Variants in AKAP6 observed in about 807,000 individuals in gnomAD.
AKAP6 encodes the protein A-kinase anchor protein 6.
In AKAP6, 58 loss-of-function variants were observed where a neutral mutation model predicts 188.5. The ratio of observed to expected loss-of-function variants is 0.31; its 90% confidence interval spans 0.25 to 0.38. AKAP6 has a LOEUF of 0.38. Ranked by LOEUF, AKAP6 falls within the 10% of genes least tolerant of loss-of-function variation. The pLI is 1.00. For synonymous variants in AKAP6, 989 were observed against 998.6 expected, an observed-to-expected ratio of 0.99 and a Z score of 0.18; for missense variants, 2,710 against 2,740.0, an observed-to-expected ratio of 0.99 and a Z score of 0.24.
chr14:32,380,233 C>T lies in AKAP6; in HGVS notation c.-35+50825C>T, dbSNP rs866762936. On this transcript the variant is annotated intron_variant, in intron 1 of 13. Transcript: ENST00000280979. ...ATCCTTCAAGACTAGAGGGATTATC[C>T]TTTCTATGAAGGCTTCCCTAGTGTC... Among the ~76,000 whole-genome samples, 20 of 152,292 alleles carry T rather than the reference C, an allele frequency of 1.3e-4. 1 individual carries two copies. Among genetic ancestry groups the T allele is most frequent in the Middle Eastern group, 6.8e-3 (2 of 294 alleles).
At chr14:32,338,445 T>G (rs528584647) in intron 1 of AKAP6, among the ~76,000 whole-genome samples, 11 of 152,160 alleles carry the variant, frequency 7.2e-5, no homozygotes, top group African/African-American at 2.7e-4. Context: ...AAATAGGGGG[T>G]TTCCATTTTG....
intron 2 of AKAP6, among the ~76,000 whole-genome samples, chr14:32,519,455 A>G (rs1449078993): frequency 6.6e-6 from 1 of 152,212 alleles, no homozygotes; most frequent in Non-Finnish European, 1.5e-5. Flanking sequence ...GACCCATCTC[A>G]CATGCAGAGA....
intron 2 of AKAP6, among the ~76,000 whole-genome samples, chr14:32,463,400 C>T (rs1282474655): frequency 6.6e-6 from 1 of 152,198 alleles, no homozygotes; most frequent in African/African-American, 2.4e-5. Flanking sequence ...AACAAACAGT[C>T]TCTCAGACCA....
At chr14:32,403,494 C>T (rs1479232350) in intron 1 of AKAP6, 1 of 152,176 alleles carries the variant, frequency 6.6e-6, no homozygotes, top group Non-Finnish European at 1.5e-5. Flanking sequence ...TTCTGAAGTT[C>T]TGGTAGAGAC....
chr14:32,480,194 A>G (rs8017798), intron 2 of AKAP6, among the ~76,000 whole-genome samples: 42,123 of 152,128 alleles, frequency 0.28, 6,309 homozygotes, highest in African/African-American at 0.31. Context: ...AGAGAAAAAT[A>G]CTAACTCCTA....
At chr14:32,692,012 G>A (rs937241935) in intron 8 of AKAP6, among the ~76,000 whole-genome samples, 3 of 152,230 alleles carry the variant, frequency 2.0e-5, no homozygotes, top group African/African-American at 7.2e-5. Flanking sequence ...GACTTTGTGA[G>A]AATTTGTTGT....
chr14:32,828,375 T>TA (rs2034728585), intron 13 of AKAP6, among the ~76,000 whole-genome samples: 1 of 152,208 alleles, frequency 6.6e-6, no homozygotes, highest in African/African-American at 2.4e-5. Flanking sequence ...TTATCAAACT[T>TA]ACCTTTAAAA....
intron 1 of AKAP6, among the ~76,000 whole-genome samples, chr14:32,342,842 A>G (rs1186516907): frequency 1.3e-5 from 2 of 152,170 alleles, no homozygotes; most frequent in African/African-American, 4.8e-5. Flanking sequence ...AAGTTACTAC[A>G]TCCTAATTCA....
intron 7 of AKAP6, among the ~76,000 whole-genome samples, chr14:32,634,915 A>C (rs1012326554): frequency 2.6e-5 from 4 of 151,738 alleles, no homozygotes; most frequent in Admixed American, 1.3e-4. Flanking sequence ...TATTTCAATA[A>C]GTTTTTGGGG....
intron 2 of AKAP6, among the ~76,000 whole-genome samples, chr14:32,518,274 A>C (rs540105836): frequency 1.3e-5 from 2 of 152,194 alleles, no homozygotes; most frequent in Non-Finnish European, 2.9e-5. Context: ...AATTCTAAAA[A>C]TCAGAGCACC....
intron 9 of AKAP6, among the ~76,000 whole-genome samples, chr14:32,726,612 T>C (rs2139809722): frequency 6.6e-6 from 1 of 152,378 alleles, no homozygotes; most frequent in South Asian, 2.1e-4. Context: ...AGGCTTGTGC[T>C]TTTCACGCAG....
chr14:32,434,986 G>T (rs888092514), intron 2 of AKAP6, among the ~76,000 whole-genome samples: 3 of 152,234 alleles, frequency 2.0e-5, no homozygotes, highest in Admixed American at 2.0e-4. Flanking sequence ...GTACAAAAAG[G>T]CAACAGAGAG....
intron 5 of AKAP6, among the ~76,000 whole-genome samples, chr14:32,592,233 G>A (rs549774103): frequency 7.9e-5 from 12 of 152,132 alleles, no homozygotes; most frequent in African/African-American, 1.2e-4. Context: ...AGACACTGAG[G>A]ATACAAAAAT....
At chr14:32,480,161 A>G (rs2138895764) in intron 2 of AKAP6, among the ~76,000 whole-genome samples, 1 of 152,286 alleles carries the variant, frequency 6.6e-6, no homozygotes, top group Non-Finnish European at 1.5e-5. Context: ...AATTCAAACA[A>G]ATGATAGAGA....
At chr14:32,581,816 T>C (rs1288188020) in intron 5 of AKAP6, among the ~76,000 whole-genome samples, 14 of 151,204 alleles carry the variant, frequency 9.3e-5, no homozygotes, top group East Asian at 7.7e-4. Context: ...AGGATTGCAA[T>C]CCCTGCCTTT....
chr14:32,807,066 G>A (rs1331487634), intron 12 of AKAP6, among the ~76,000 whole-genome samples: 1 of 75,312 alleles, frequency 1.3e-5, no homozygotes, highest in Non-Finnish European at 2.8e-5. Context: ...AGAAAGGGGG[G>A]GAAATATATA....
At chr14:32,733,894 G>A (rs901604714) in intron 10 of AKAP6, 9 of 152,162 alleles carry the variant, frequency 5.9e-5, no homozygotes, top group African/African-American at 1.9e-4. Flanking sequence ...ATAAAGTAGC[G>A]ATAAGTCTGT....
chr14:32,431,022 G>A (rs1330340581), intron 1 of AKAP6, among the ~76,000 whole-genome samples: 3 of 151,824 alleles, frequency 2.0e-5, no homozygotes, highest in Non-Finnish European at 4.4e-5. Flanking sequence ...GGAGAATGGC[G>A]TGAACCCGGG....
chr14:32,629,900 T>C (rs1887191579), intron 7 of AKAP6, among the ~76,000 whole-genome samples: 1 of 151,842 alleles, frequency 6.6e-6, no homozygotes, highest in African/African-American at 2.4e-5. Flanking sequence ...ACCCTGTCTC[T>C]ACAGAAAATT....
Sources: gnomAD v4.1 joint callset for allele counts (sites outside exome capture counted in the v4.1 genomes callset) on GRCh38, gnomAD v4.1.1 for gene constraint, MANE v1.5 for transcripts, NCBI Gene and HGNC (gene_info 2026-07-23, HGNC 2026-07-21) for gene names.